The following FRMPD4 variants were observed in gnomAD, a reference collection of about 807,000 sequenced individuals.
FRMPD4 encodes FERM and PDZ domain-containing protein 4.
FRMPD4 carries 22 observed loss-of-function variants against 94.1 expected under a neutral mutation model. That is an observed-to-expected ratio of 0.23 (90% CI 0.17 to 0.33). The LOEUF is 0.33. Among genes scored for constraint, FRMPD4 ranks in the 10% least tolerant of loss-of-function variants. FRMPD4 has a pLI of 1.00. For synonymous variants in FRMPD4, 631 were observed against 548.6 expected (o/e 1.15, Z -2.10); for missense variants, 1,111 against 1,339.9 (o/e 0.83, Z 2.67).
intron 1 of FRMPD4, among the ~76,000 whole-genome samples, chrX:12,287,469 C>A (rs1366557181): frequency 9.0e-6 from 1 of 111,665 alleles, no homozygotes; most frequent in Non-Finnish European, 1.9e-5. Context: ...TTAGGGGCAG[C>A]CACAGAGGAC....
intron 1 of FRMPD4, among the ~76,000 whole-genome samples, chrX:12,470,500 C>T (rs1001185409): frequency 8.9e-6 from 1 of 111,934 alleles, no homozygotes; most frequent in Non-Finnish European, 1.9e-5. Flanking sequence ...TGCTGATTAA[C>T]TAGATAGCTA....
intron 1 of FRMPD4, among the ~76,000 whole-genome samples, chrX:12,311,599 G>C (rs150322633): frequency 7.4e-4 from 82 of 110,494 alleles, no homozygotes; most frequent in Middle Eastern, 4.7e-3. Flanking sequence ...TCTGTTGGTG[G>C]TCAACTATTT....
chrX:12,043,495 T>C (rs1295512999), intron 3 of FRMPD4, among the ~76,000 whole-genome samples: 1 of 111,722 alleles, frequency 9.0e-6, no homozygotes, highest in African/African-American at 3.2e-5. Context: ...TATATGACCA[T>C]GCATAATCAG....
intron 3 of FRMPD4, among the ~76,000 whole-genome samples, chrX:12,020,798 C>T (rs191493334): frequency 8.2e-4 from 92 of 111,720 alleles, no homozygotes; most frequent in Non-Finnish European, 1.5e-3. Context: ...TTCTACCATT[C>T]AAAAAAATTC....
intron 3 of FRMPD4, among the ~76,000 whole-genome samples, chrX:12,127,069 C>T (rs770247119): frequency 8.9e-6 from 1 of 112,003 alleles, no homozygotes; most frequent in South Asian, 3.7e-4. Flanking sequence ...CCCTTATATC[C>T]TTAGTTTCTC....
At chrX:11,904,360 C>T (rs1461797893) in intron 3 of FRMPD4, among the ~76,000 whole-genome samples, 1 of 112,114 alleles carries the variant, frequency 8.9e-6, no homozygotes, top group African/African-American at 3.2e-5. Flanking sequence ...GACTTTGCCA[C>T]TAGGCTCAAA....
At chrX:12,177,501 G>A (rs745958557) in intron 1 of FRMPD4, among the ~76,000 whole-genome samples, 78 of 112,267 alleles carry the variant, frequency 6.9e-4, no homozygotes, top group African/African-American at 2.5e-3. Flanking sequence ...ATGAATGAAG[G>A]TTACTGCTTA....
chrX:12,110,771 C>T (rs1463604785), intron 3 of FRMPD4, among the ~76,000 whole-genome samples: 2 of 111,309 alleles, frequency 1.8e-5, no homozygotes, highest in African/African-American at 6.5e-5. Flanking sequence ...TCTTACACAC[C>T]AATAACAGAC....
chrX:11,990,876 C>A (rs1005061713), intron 3 of FRMPD4, among the ~76,000 whole-genome samples: 10 of 111,707 alleles, frequency 9.0e-5, no homozygotes, highest in African/African-American at 3.2e-4. Flanking sequence ...AATGTAGAAG[C>A]TTGACTGTGG....
At position 12,146,549 on chromosome X, in the gene FRMPD4, C is replaced by A. The variant is rs1309552671; in HGVS notation, c.41+7537C>A. ...TTAGAAGTCCTAAAAAGTGCCACAC[C>A]CTGAGCCTTTGCATAAACTCTTCAT... On this transcript the variant is annotated intron_variant, in intron 1 of 16. Transcript: ENST00000675598. Among the ~76,000 whole-genome samples the A allele has an allele frequency of 4.5e-5, 5 of 111,131 alleles. No homozygotes were observed. In the East Asian group the frequency reaches 1.4e-3, roughly 31 times the overall value.
exon 1 of FRMPD4, among the ~76,000 whole-genome samples, chrX:11,822,505 C>T (rs2053418365): frequency 8.9e-6 from 1 of 111,822 alleles, no homozygotes; most frequent in Non-Finnish European, 1.9e-5. Context: ...CCTTAGAGAG[C>T]AGGAGAAAAT....
At chrX:12,263,599 C>T (rs755341157) in intron 1 of FRMPD4, among the ~76,000 whole-genome samples, 1 of 111,403 alleles carries the variant, frequency 9.0e-6, no homozygotes, top group East Asian at 2.8e-4. Context: ...TACTTGGAAG[C>T]TACCACAATG....
At chrX:12,106,856 C>A (rs181123589) in intron 3 of FRMPD4, among the ~76,000 whole-genome samples, 2 of 111,674 alleles carry the variant, frequency 1.8e-5, no homozygotes, top group African/African-American at 6.5e-5. Flanking sequence ...GGGGGAGGGG[C>A]GTCCTGCCAT....
At chrX:12,324,506 A>T (rs2055256125) in intron 1 of FRMPD4, among the ~76,000 whole-genome samples, 1 of 112,394 alleles carries the variant, frequency 8.9e-6, no homozygotes. Context: ...GTTTTCAAGG[A>T]TAACAAAATT....
chrX:12,329,231 C>T (rs188039990), intron 1 of FRMPD4, among the ~76,000 whole-genome samples: 160 of 111,900 alleles, frequency 1.4e-3, no homozygotes, highest in African/African-American at 4.9e-3. Context: ...GCAGAACCCT[C>T]TCTGGAATGG....
chrX:12,475,858 G>C (rs1403638875), intron 1 of FRMPD4, among the ~76,000 whole-genome samples: 4 of 111,473 alleles, frequency 3.6e-5, no homozygotes, highest in African/African-American at 1.3e-4. Context: ...TGGGTAGGAA[G>C]AATCAATATT....
intron 3 of FRMPD4, among the ~76,000 whole-genome samples, chrX:12,083,329 G>A (rs1397322865): frequency 1.8e-5 from 2 of 113,191 alleles, no homozygotes; most frequent in Non-Finnish European, 3.7e-5. Flanking sequence ...CAGCTTCCAT[G>A]TGGTGTTGAG....
chrX:12,110,404 T>C (rs757118865), intron 3 of FRMPD4, among the ~76,000 whole-genome samples: 30 of 112,165 alleles, frequency 2.7e-4, no homozygotes, highest in African/African-American at 9.1e-4. Flanking sequence ...AAATTAGGTA[T>C]TTCTGGGACG....
At chrX:12,668,099 AAGTG>A in intron 4 of FRMPD4, among the ~76,000 whole-genome samples, 1 of 112,201 alleles carries the variant, frequency 8.9e-6, no homozygotes, top group African/African-American at 3.2e-5. Flanking sequence ...GATGGCTTAA[AAGTG>A]TCATCTTCTA....
Sources: allele counts gnomAD v4.1 joint callset (sites outside exome capture counted in the v4.1 genomes callset), GRCh38; gene constraint gnomAD v4.1.1; transcripts MANE v1.5; gene names NCBI Gene and HGNC (gene_info 2026-07-23, HGNC 2026-07-21).